The following TSPEAR variants were observed in gnomAD, a reference collection of about 807,000 sequenced individuals.
TSPEAR encodes thrombospondin-type laminin G domain and EAR repeat-containing protein.
Under a neutral mutation model 71.6 loss-of-function variants are expected in TSPEAR, and 69 were observed. That is an observed-to-expected ratio of 0.96 (90% confidence interval 0.79 to 1.18). The LOEUF (loss-of-function observed/expected upper bound fraction) is 1.18. TSPEAR is among the 50% of genes most tolerant of loss of function. The pLI is 0.00. For synonymous variants in TSPEAR, 402 were observed against 387.2 expected, an observed-to-expected ratio of 1.04 and a Z score of -0.45; for missense variants, 971 against 894.9, an observed-to-expected ratio of 1.09 and a Z score of -1.09.
At chr21:44,628,456 C>A (rs1983041225) in intron 1 of TSPEAR, among the ~76,000 whole-genome samples, 1 of 151,846 alleles carries the variant, frequency 6.6e-6, no homozygotes. Context: ...GGGGGCTGGG[C>A]CCCGTGGATC....
intron 1 of TSPEAR, among the ~76,000 whole-genome samples, chr21:44,599,814 C>T (rs368488859): frequency 2.6e-5 from 4 of 152,234 alleles, no homozygotes; most frequent in Non-Finnish European, 2.9e-5. Flanking sequence ...ACACTGCAAG[C>T]GAAAGCAGTG....
intron 1 of TSPEAR, among the ~76,000 whole-genome samples, chr21:44,708,986 G>C (rs1988078958): frequency 6.6e-6 from 1 of 152,230 alleles, no homozygotes; most frequent in East Asian, 1.9e-4. Context: ...GCAGGGTCCC[G>C]CGTGACCGGT....
At chr21:44,591,078 C>G (rs1242042499) in intron 1 of TSPEAR, among the ~76,000 whole-genome samples, 2 of 151,994 alleles carry the variant, frequency 1.3e-5, no homozygotes, top group Non-Finnish European at 2.9e-5. Flanking sequence ...CCCTGTGCCC[C>G]CCGGGGGTCC....
At chr21:44,606,502 C>A (rs1450677022) in intron 1 of TSPEAR, among the ~76,000 whole-genome samples, 1 of 152,186 alleles carries the variant, frequency 6.6e-6, no homozygotes, top group African/African-American at 2.4e-5. Context: ...TGCCTATGAT[C>A]CACAAATCCC....
At chr21:44,628,306 C>A in intron 1 of TSPEAR, 1 of 379,234 alleles carries the variant, frequency 2.6e-6, no homozygotes, top group Non-Finnish European at 5.0e-6. Context: ...GGGACGGGCC[C>A]TCCTGACCCG....
At chr21:44,602,519 C>CCT (rs1981020119) in intron 1 of TSPEAR, among the ~76,000 whole-genome samples, 1 of 151,990 alleles carries the variant, frequency 6.6e-6, no homozygotes, top group East Asian at 1.9e-4. Flanking sequence ...GCCCGCTGGC[C>CCT]GGGCTGGCCC....
In TSPEAR at chr21:44,597,714, G is replaced by A. The variant is rs1389768125; in HGVS notation, c.83-29709C>T. ...CCCACAGTGCTGGGATTACAGGTGC[G>A]AGCCACAGCACATGGCCTCTATGCT... is the stretch of plus-strand genomic sequence containing the variant. On this transcript the variant is annotated intron_variant, in intron 1 of 11. Coordinates refer to ENST00000323084, the MANE Select transcript of TSPEAR (RefSeq NM_144991.3). 2.6e-5 allele frequency among the ~76,000 whole-genome samples: 4 copies of A among 152,156 alleles called. No individual in the cohort carries two copies. In the East Asian group the frequency reaches 5.8e-4, roughly 22 times the overall value.
chr21:44,643,080 T>C (rs980123025), intron 1 of TSPEAR, among the ~76,000 whole-genome samples: 3 of 152,026 alleles, frequency 2.0e-5, no homozygotes, highest in African/African-American at 7.2e-5. Context: ...GATTCAGCCA[T>C]AGAAAGGAAG....
At chr21:44,573,072 T>C (rs1978289830) in intron 1 of TSPEAR, among the ~76,000 whole-genome samples, 1 of 152,080 alleles carries the variant, frequency 6.6e-6, no homozygotes, top group Non-Finnish European at 1.5e-5. Context: ...TCCAAAACCA[T>C]GAGACACGGA....
At chr21:44,522,668 G>A (rs887693195) in intron 8 of TSPEAR, among the ~76,000 whole-genome samples, 3 of 152,240 alleles carry the variant, frequency 2.0e-5, no homozygotes, top group African/African-American at 7.2e-5. Flanking sequence ...TGGCCGCTCA[G>A]GGCAGTGTCC....
chr21:44,586,111 G>A (rs1555925654), intron 1 of TSPEAR, among the ~76,000 whole-genome samples: 1 of 152,220 alleles, frequency 6.6e-6, no homozygotes, highest in Non-Finnish European at 1.5e-5. Flanking sequence ...GGCCTGCCTG[G>A]CTCTCCTGCT....
chr21:44,707,798 T>A (rs1430290823), intron 1 of TSPEAR, among the ~76,000 whole-genome samples: 2 of 152,064 alleles, frequency 1.3e-5, no homozygotes, highest in Non-Finnish European at 2.9e-5. Context: ...GTGGCGGTCA[T>A]TCATTTCAGA....
intron 9 of TSPEAR, among the ~76,000 whole-genome samples, chr21:44,515,315 T>G (rs1325777669): frequency 2.6e-5 from 4 of 152,218 alleles, no homozygotes; most frequent in Non-Finnish European, 5.9e-5. Context: ...CATGTGTGCG[T>G]GGTCCCAGCG....
chr21:44,535,297 A>G (rs2053069658), intron 2 of TSPEAR, among the ~76,000 whole-genome samples: 1 of 152,182 alleles, frequency 6.6e-6, no homozygotes, highest in South Asian at 2.1e-4. Flanking sequence ...AAGACCTCAG[A>G]GCTTTTTGGC....
At chr21:44,591,269 A>G in intron 1 of TSPEAR, 1 of 1,471,024 alleles carries the variant, frequency 6.8e-7, no homozygotes, top group Non-Finnish European at 9.0e-7. Flanking sequence ...CCTGGTCCCT[A>G]AGACAAAGAG....
chr21:44,524,591 GTAGT>G (rs1368787569), intron 8 of TSPEAR, among the ~76,000 whole-genome samples: 8 of 151,744 alleles, frequency 5.3e-5, no homozygotes, highest in African/African-American at 1.9e-4. Flanking sequence ...AGTTAGTCAG[GTAGT>G]TAGCCAGTTA....
At chr21:44,502,507 G>A (rs143531538) in intron 11 of TSPEAR, among the ~76,000 whole-genome samples, 178 of 152,314 alleles carry the variant, frequency 1.2e-3, no homozygotes, top group African/African-American at 4.0e-3. Flanking sequence ...TTCGTTAAAC[G>A]TACGATACTT....
Position 44,623,516 on chromosome 21 carries a change from T to C in TSPEAR, c.83-55511A>G, listed in dbSNP as rs1011423141. On this transcript the variant is annotated intron_variant, in intron 1 of 11. Transcript: ENST00000323084. The surrounding 1 kb of genome is among the most constrained non-coding windows in gnomAD (Gnocchi z 4.5). Reference sequence around the variant, plus strand: ...AGATTTCCCCATGTTGTCCTCCTTTTGTTACACTTCATTTCCTTTTCGACT... The same window carrying C: ...AGATTTCCCCATGTTGTCCTCCTTTCGTTACACTTCATTTCCTTTTCGACT... Among the ~76,000 whole-genome samples, 1 of 152,264 alleles carries C rather than the reference T, an allele frequency of 6.6e-6. No homozygotes were observed. The highest frequency in any genetic ancestry group is 1.5e-5 in the Non-Finnish European group (1 of 68,052).
Position 44,612,574 on chromosome 21 carries a change from C to T in TSPEAR, c.83-44569G>A. The stretch of plus-strand genomic sequence containing the variant: ...GCTGCCAGTCAGCTTGCTGCACCTT[C>T]TCCCCATGCCAACAGGCCTGCTGTG... On this transcript the variant is annotated intron_variant, in intron 1 of 11. Transcript: ENST00000323084. This position sits in a 1 kb window ranked among gnomAD's most constrained non-coding sequence, Gnocchi z 4.1. The T allele has an allele frequency of 2.5e-6, 4 of 1,614,096 alleles. No individual in the cohort carries two copies. Among genetic ancestry groups the T allele is most frequent in the Non-Finnish European group, 3.4e-6 (4 of 1,179,978 alleles).
Sources: allele counts gnomAD v4.1 joint callset (sites outside exome capture counted in the v4.1 genomes callset), GRCh38; gene constraint gnomAD v4.1.1; non-coding constraint Gnocchi (gnomAD v3.1); transcripts MANE v1.5; gene names NCBI Gene and HGNC (gene_info 2026-07-23, HGNC 2026-07-21).